The following API5 variants were observed in gnomAD, a reference collection of about 807,000 sequenced individuals.
API5 encodes the protein FIF.
API5 carries 6 observed loss-of-function variants against 71.9 expected under a neutral mutation model. That is an observed-to-expected ratio of 0.08 (90% CI 0.05 to 0.16). The LOEUF (loss-of-function observed/expected upper bound fraction) is 0.16, where lower values mean the gene tolerates loss of function less well. Ranked by LOEUF, API5 falls within the 10% of genes least tolerant of loss-of-function variation. API5 has a pLI of 1.00. For synonymous variants in API5, 189 were observed against 221.3 expected (o/e 0.85, Z 1.30); for missense variants, 332 against 612.8 (o/e 0.54, Z 4.84).
At chr11:43,329,341 GA>G in intron 9 of API5, 1 of 151,342 alleles carries the variant, frequency 6.6e-6, no homozygotes, top group Non-Finnish European at 1.4e-5. Flanking sequence ...TCATGTCTCT[GA>G]AAAAAGAAAC....
Position 43,312,066 on chromosome 11 carries a change from G to A in API5, c.-62G>A. 6.3e-7 allele frequency: 1 copy of A among 1,586,116 alleles called. No individual in the cohort carries two copies. Among genetic ancestry groups the A allele is most frequent in the Non-Finnish European group, 8.6e-7 (1 of 1,158,428 alleles). ...GGTAGTGGGTTTGGAGAAGTTCCGAGGCGGCGGTGGCGCCGGTCAGGACAA... is the reference window on the plus strand; with the variant it reads ...GGTAGTGGGTTTGGAGAAGTTCCGAAGCGGCGGTGGCGCCGGTCAGGACAA... On this transcript the variant is annotated 5_prime_UTR_variant, in exon 1 of 14. Transcript: ENST00000531273.
chr11:43,315,762 C>T (rs1854648707), intron 1 of API5, among the ~76,000 whole-genome samples: 1 of 152,140 alleles, frequency 6.6e-6, no homozygotes, highest in South Asian at 2.1e-4. Context: ...AGGTCTCACT[C>T]TTCTCTTGTG....
chr11:43,312,048 G>C lies in API5; in HGVS notation c.-80G>C, dbSNP rs980636986. The C allele has an allele frequency of 4.0e-6, 6 of 1,507,166 alleles. No homozygotes were observed. In the African/African-American group the frequency reaches 6.9e-5, roughly 17 times the overall value. 93.4% of individuals were successfully genotyped at this position (1,507,166 alleles called of 1,614,324 possible). ...TGGAGGTGTAATAGTGCGGGTAGTG[G>C]GTTTGGAGAAGTTCCGAGGCGGCGG... On this transcript the variant is annotated 5_prime_UTR_variant, in exon 1 of 14. Transcript: ENST00000531273.
chr11:43,314,028 C>T (rs1422649945), intron 1 of API5, among the ~76,000 whole-genome samples: 1 of 151,700 alleles, frequency 6.6e-6, no homozygotes, highest in Non-Finnish European at 1.5e-5. Flanking sequence ...GGTGGAGGTT[C>T]CTGTGAGCTG....
chr11:43,340,058 CA>C (rs920028763), intron 13 of API5, among the ~76,000 whole-genome samples: 1 of 151,692 alleles, frequency 6.6e-6, no homozygotes, highest in African/African-American at 2.4e-5. Context: ...AAGACTCTAC[CA>C]AAAAACTCAT....
At chr11:43,325,648 T>A (rs1286735029) in intron 6 of API5, among the ~76,000 whole-genome samples, 1 of 152,036 alleles carries the variant, frequency 6.6e-6, no homozygotes, top group Non-Finnish European at 1.5e-5. Flanking sequence ...GAGCTTTCAG[T>A]GGAAATTGTA....
intron 13 of API5, chr11:43,340,218 A>G: frequency 2.8e-6 from 1 of 355,264 alleles, no homozygotes; most frequent in Non-Finnish European, 5.4e-6. Flanking sequence ...GAATAAATTA[A>G]CCAAGAAGGT....
Position 43,312,008 on chromosome 11 carries a change from T to TGCACTGGCGGCA in API5, c.-117_-106dup. 8.8e-7 allele frequency: 1 copy of TGCACTGGCGGCA among 1,138,356 alleles called. No homozygotes were observed. The highest frequency in any genetic ancestry group is 1.4e-5 in the South Asian group (1 of 69,340). 70.5% of individuals were successfully genotyped at this position (1,138,356 alleles called of 1,614,324 possible). ...CGCGCTGTGCGCGGTGACTGGCGGC[T>TGCACTGGCGGCA]GCACTGGCGGCAGCTGGAGGTGTAA... On this transcript the variant is annotated 5_prime_UTR_variant, in exon 1 of 14. Coordinates refer to ENST00000531273, the MANE Select transcript of API5 (RefSeq NM_001142930.2).
intron 1 of API5, among the ~76,000 whole-genome samples, chr11:43,315,477 A>C (rs1277936972): frequency 6.6e-6 from 1 of 152,096 alleles, no homozygotes; most frequent in South Asian, 2.1e-4. Context: ...GAAGAAATGT[A>C]TTGGAAGAAG....
At chr11:43,321,634 G>T (rs930739978) in intron 4 of API5, among the ~76,000 whole-genome samples, 158 bp downstream of exon 4, 1 of 152,150 alleles carries the variant, frequency 6.6e-6, no homozygotes, top group Non-Finnish European at 1.5e-5. Context: ...AGATGTTTAT[G>T]ACTAGAAAAA....
chr11:43,330,268 T>C, intron 10 of API5: 1 of 612,880 alleles, frequency 1.6e-6, no homozygotes, highest in South Asian at 2.1e-5. Flanking sequence ...CTTACTCATT[T>C]TTTAGCTACA....
chr11:43,339,148 G>C (rs1246619284), intron 13 of API5: 2 of 152,138 alleles, frequency 1.3e-5, no homozygotes, highest in Non-Finnish European at 2.9e-5. Flanking sequence ...CTTTGAATCA[G>C]ACCCATTCTA....
At position 43,342,852 on chromosome 11, in the gene API5, T is replaced by TA; in HGVS notation, c.*345dup. ...ATGAAATTCAGTCTAGTTCTGCTGA[T>TA]AAAGATCATCAGTTTTGAAAGGTTA... On this transcript the variant is annotated 3_prime_UTR_variant, in exon 14 of 14. Coordinates refer to ENST00000531273, the MANE Select transcript of API5 (RefSeq NM_001142930.2). The TA allele has an allele frequency of 1.8e-6, 1 of 552,778 alleles. No individual in the cohort carries two copies. Among genetic ancestry groups the TA allele is most frequent in the Non-Finnish European group, 3.2e-6 (1 of 314,336 alleles). The allele number at this position is 552,778 out of a possible 1,614,324, so 34.2% of individuals were successfully genotyped here.
intron 1 of API5, among the ~76,000 whole-genome samples, chr11:43,315,608 T>G (rs895145502): frequency 4.6e-5 from 7 of 152,180 alleles, no homozygotes; most frequent in African/African-American, 1.4e-4. Flanking sequence ...TATATTCTAA[T>G]AAGCAAACTG....
intron 5 of API5, 83 bp from the exon 6 acceptor site, chr11:43,323,347 A>G: frequency 7.9e-7 from 1 of 1,259,642 alleles, no homozygotes; most frequent in Non-Finnish European, 1.1e-6. Context: ...AGTAACTGAA[A>G]TAAATTAGCT....
chr11:43,321,165 T>C (rs557515018), intron 3 of API5, among the ~76,000 whole-genome samples: 1 of 152,306 alleles, frequency 6.6e-6, no homozygotes, highest in South Asian at 2.1e-4. Context: ...TGATATATCA[T>C]AATTTTTCCC....
intron 4 of API5, 113 bp from the exon 5 acceptor site, chr11:43,321,872 A>G: frequency 1.9e-6 from 2 of 1,069,822 alleles, no homozygotes; most frequent in Non-Finnish European, 1.3e-6. Flanking sequence ...TGAGGATGAT[A>G]TTTGGGAAGT....
chr11:43,331,659 T>C (rs1368590856), intron 11 of API5, among the ~76,000 whole-genome samples: 2 of 152,108 alleles, frequency 1.3e-5, no homozygotes, highest in East Asian at 3.9e-4. Flanking sequence ...GTAACTTTTA[T>C]TGGAAAGAAT....
chr11:43,332,890 C>G (rs1028469246), intron 11 of API5, among the ~76,000 whole-genome samples: 2 of 152,324 alleles, frequency 1.3e-5, no homozygotes, highest in Admixed American at 6.5e-5. Flanking sequence ...TCAGCTCCCC[C>G]ATCCTGTGGT....
Sources: allele counts gnomAD v4.1 joint callset (sites outside exome capture counted in the v4.1 genomes callset), GRCh38; gene constraint gnomAD v4.1.1; transcripts MANE v1.5; gene names NCBI Gene and HGNC (gene_info 2026-07-23, HGNC 2026-07-21).